The following SNTG2 variants were observed in gnomAD, a reference collection of about 807,000 sequenced individuals.
SNTG2 encodes the protein syntrophin gamma 2, also known as gamma-2-syntrophin.
SNTG2 carries 74 observed loss-of-function variants against 70.9 expected under a neutral mutation model. The observed-to-expected ratio is 1.04, with a 90% confidence interval of 0.86 to 1.27. The LOEUF (loss-of-function observed/expected upper bound fraction) is 1.27, where lower values mean the gene tolerates loss of function less well. Ranked by LOEUF, SNTG2 falls within the 50% of genes most tolerant of loss-of-function variation. SNTG2 has a pLI of 0.00. For missense variants in SNTG2, 717 were observed against 690.7 expected (o/e 1.04, Z -0.43); for synonymous variants, 278 against 273.8 (o/e 1.02, Z -0.15).
intron 14 of SNTG2, among the ~76,000 whole-genome samples, chr2:1,302,181 G>A (rs901180940): frequency 3.3e-5 from 5 of 151,942 alleles, no homozygotes; most frequent in Admixed American, 6.6e-5. Flanking sequence ...GGCTGGTCTC[G>A]ATCTCCTGAG....
At chr2:956,099 C>T (rs1660135474) in intron 1 of SNTG2, among the ~76,000 whole-genome samples, 1 of 139,116 alleles carries the variant, frequency 7.2e-6, no homozygotes, top group East Asian at 2.3e-4. Flanking sequence ...TCCGCACCTG[C>T]CCCTACCCCT....
At chr2:1,136,946 G>C (rs1668425830) in intron 4 of SNTG2, among the ~76,000 whole-genome samples, 3 of 152,212 alleles carry the variant, frequency 2.0e-5, no homozygotes, top group African/African-American at 7.2e-5. Context: ...AAGTGGCTGA[G>C]GGAATTCCTT....
At chr2:1,031,508 T>TTTTATATGTATA (rs1345229584) in intron 1 of SNTG2, among the ~76,000 whole-genome samples, 1 of 57,768 alleles carries the variant, frequency 1.7e-5, no homozygotes, top group African/African-American at 9.1e-5. Flanking sequence ...TAGTTCATTG[T>TTTTATATGTATA]TATATATATA....
intron 9 of SNTG2, among the ~76,000 whole-genome samples, 178 bp from the exon 10 acceptor site, chr2:1,237,710 G>T (rs1210463517): frequency 6.6e-6 from 1 of 152,240 alleles, no homozygotes; most frequent in Non-Finnish European, 1.5e-5. Flanking sequence ...GGGAATTCGG[G>T]GTTTGGTCTT....
At chr2:954,877 A>C (rs925569959) in intron 1 of SNTG2, among the ~76,000 whole-genome samples, 1 of 152,204 alleles carries the variant, frequency 6.6e-6, no homozygotes, top group Non-Finnish European at 1.5e-5. Flanking sequence ...GAATATGAGG[A>C]TGTGATTTTG....
chr2:1,061,644 TG>T (rs1300519703), intron 1 of SNTG2, among the ~76,000 whole-genome samples: 1 of 152,192 alleles, frequency 6.6e-6, no homozygotes. Context: ...AAGGAAATTG[TG>T]GGTGCTCTGT....
At chr2:1,168,862 A>G (rs58800470) in intron 7 of SNTG2, among the ~76,000 whole-genome samples, 28,623 of 152,114 alleles carry the variant, frequency 0.19, 2,949 homozygotes, top group African/African-American at 0.29. Context: ...GAGAAAGGCG[A>G]ATATTCCCAG....
intron 1 of SNTG2, among the ~76,000 whole-genome samples, chr2:1,044,531 A>G (rs1248508778): frequency 6.6e-6 from 1 of 152,200 alleles, no homozygotes; most frequent in Non-Finnish European, 1.5e-5. Flanking sequence ...TGGGTTTGTC[A>G]TAGATAGTTC....
intron 4 of SNTG2, among the ~76,000 whole-genome samples, chr2:1,122,464 A>C (rs28795429): frequency 0.47 from 71,128 of 151,992 alleles, 17,622 homozygotes; most frequent in East Asian, 0.66. Flanking sequence ...TTTTCAGATT[A>C]ACCAATGTGA....
rs550085469 is a variant in SNTG2, at chr2:956,625, C to T, written c.72+5557C>T. On this transcript the variant is annotated intron_variant, in intron 1 of 16. Coordinates refer to ENST00000308624, the MANE Select transcript of SNTG2 (RefSeq NM_018968.4). ...TGTGAATGGGCCCATCTCGGTCGGG[C>T]GTCTAGGAGGGAAGTGGCACCTGGG... is the stretch of plus-strand genomic sequence containing the variant. Among the ~76,000 whole-genome samples, 409 of 152,068 alleles carry T rather than the reference C, an allele frequency of 2.7e-3. 1 individual carries two copies. The highest frequency in any genetic ancestry group is 9.0e-3 in the African/African-American group (372 of 41,316).
rs144270883 is a variant in SNTG2, at chr2:1,346,995, A to G, written c.1489-20348A>G. ...GTCAGGGTGGAAAGTCAACCACATC[A>G]TACAGATTAATTAAAAAAAAAATCT... is the stretch of plus-strand genomic sequence containing the variant. On this transcript the variant is annotated intron_variant, in intron 16 of 16. Coordinates refer to ENST00000308624, the MANE Select transcript of SNTG2 (RefSeq NM_018968.4). Among the ~76,000 whole-genome samples the G allele has an allele frequency of 1.7e-3, 255 of 152,232 alleles. 1 individual carries two copies. Among genetic ancestry groups the G allele is most frequent in the Middle Eastern group, 6.8e-3 (2 of 294 alleles).
intron 4 of SNTG2, among the ~76,000 whole-genome samples, chr2:1,100,629 G>A (rs757636273): frequency 4.6e-5 from 7 of 152,130 alleles, no homozygotes; most frequent in African/African-American, 7.2e-5. Flanking sequence ...TTGCTGTGTC[G>A]GGCGTGGTTG....
At chr2:1,281,220 TTTGTGTTTATGTGGTGTGG>T (rs1679501521) in intron 14 of SNTG2, among the ~76,000 whole-genome samples, 4 of 142,994 alleles carry the variant, frequency 2.8e-5, no homozygotes, top group Non-Finnish European at 6.2e-5. Flanking sequence ...TGTGTGTGTG[TTTGTGTTTATGTGGTGTGG>T]TGTGTGGTGT....
chr2:1,341,535 CA>C (rs1660086998), intron 16 of SNTG2: 1 of 152,290 alleles, frequency 6.6e-6, no homozygotes, highest in South Asian at 2.1e-4. Flanking sequence ...CTCAGAAGAA[CA>C]GGGGGAAAGT....
intron 12 of SNTG2, among the ~76,000 whole-genome samples, chr2:1,251,086 G>A (rs1225913525): frequency 6.6e-6 from 1 of 152,172 alleles, no homozygotes; most frequent in African/African-American, 2.4e-5. Flanking sequence ...CTTGTAAAGG[G>A]TCAGCGAGGA....
chr2:1,334,072 C>T (rs1659672805), intron 16 of SNTG2, among the ~76,000 whole-genome samples: 1 of 152,124 alleles, frequency 6.6e-6, no homozygotes, highest in Non-Finnish European at 1.5e-5. Flanking sequence ...CCAGACTCTG[C>T]AAGGAACTCA....
chr2:1,175,261 G>A (rs997424866), intron 8 of SNTG2, among the ~76,000 whole-genome samples: 3 of 152,156 alleles, frequency 2.0e-5, no homozygotes, highest in Non-Finnish European at 4.4e-5. Context: ...CATGAGCGCA[G>A]GCGTGTGCTG....
rs184746659 is a variant in SNTG2, at chr2:1,122,688, A to G, written c.326-14934A>G. Among the ~76,000 whole-genome samples, 22 of 150,970 alleles carry G rather than the reference A, an allele frequency of 1.5e-4. No individual in the cohort carries two copies. The East Asian group carries it at 4.1e-3, about 28-fold the overall frequency. On this transcript the variant is annotated intron_variant, in intron 4 of 16. Transcript: ENST00000308624. The stretch of plus-strand genomic sequence containing the variant: ...CCCAGTCTTGCCGATTTTATTCAAC[A>G]TGACACTGGAAGTACTTGCAATTAG...
intron 9 of SNTG2, among the ~76,000 whole-genome samples, chr2:1,235,371 G>A (rs1379982730): frequency 8.5e-6 from 1 of 117,080 alleles, no homozygotes; most frequent in Non-Finnish European, 1.7e-5. Context: ...ATTCATGAGA[G>A]GGGGGACCCC....
Sources: gnomAD v4.1 joint callset for allele counts (sites outside exome capture counted in the v4.1 genomes callset) on GRCh38, gnomAD v4.1.1 for gene constraint, MANE v1.5 for transcripts, NCBI Gene and HGNC (gene_info 2026-07-23, HGNC 2026-07-21) for gene names.